Variants in ATAD5 observed in about 807,000 individuals in gnomAD.
ATAD5 encodes the protein ATPase family AAA domain containing 5, also known as ATPase family AAA domain-containing protein 5.
A neutral mutation model predicts 176.9 loss-of-function variants in ATAD5; 58 were observed. That is an observed-to-expected ratio of 0.33 (90% CI 0.27 to 0.41). The LOEUF (loss-of-function observed/expected upper bound fraction) is 0.41, where lower values mean the gene tolerates loss of function less well. Ranked by LOEUF, ATAD5 falls within the 10% of genes least tolerant of loss-of-function variation. ATAD5 has a pLI of 1.00. For missense variants in ATAD5, 1,789 were observed against 2,094.1 expected (o/e 0.85, Z 2.84); for synonymous variants, 640 against 712.6 (o/e 0.90, Z 1.62).
intron 11 of ATAD5, among the ~76,000 whole-genome samples, chr17:30,866,186 T>A (rs1366263557): frequency 6.0e-5 from 2 of 33,600 alleles, no homozygotes; most frequent in African/African-American, 9.2e-4. Flanking sequence ...AATTTACAAA[T>A]TTTTTTTTTT....
intron 17 of ATAD5, among the ~76,000 whole-genome samples, chr17:30,878,548 C>G (rs1027093022): frequency 4.6e-5 from 7 of 151,972 alleles, no homozygotes; most frequent in African/African-American, 1.7e-4. Flanking sequence ...ATTTTAAAAA[C>G]TCATTCAATT....
chr17:30,850,124 G>A (rs1906779037), intron 6 of ATAD5, among the ~76,000 whole-genome samples: 1 of 151,872 alleles, frequency 6.6e-6, no homozygotes, highest in Admixed American at 6.6e-5. Context: ...TTGGGTAACA[G>A]AGCAAGATGC....
At chr17:30,883,375 C>T (rs995690982) in intron 18 of ATAD5, among the ~76,000 whole-genome samples, 5 of 152,054 alleles carry the variant, frequency 3.3e-5, no homozygotes, top group Non-Finnish European at 7.4e-5. Flanking sequence ...AATACTCCTG[C>T]CTCAGCCTCC....
In ATAD5 at chr17:30,835,099, C is replaced by G. The variant is rs759315321; in HGVS notation, c.1018C>G (p.Pro340Ala). The G allele has an allele frequency of 1.9e-6, 3 of 1,614,058 alleles. No homozygotes were observed. The Admixed American group carries it at 5.0e-5, about 27-fold the overall frequency. ...PIPPKKTGKI[P>A]RIFLKQKQFE... ...TCCGCCCAAAAAGACAGGGAAAATA[C>G]CCCGAATTTTCTTGAAACAAAAGCA... is the stretch of plus-strand genomic sequence containing the variant. The change falls in exon 2 of 23, where the codon CCC becomes GCC. Residue 340 changes from proline to alanine, a missense_variant. Pro to Ala is a conservative substitution (Grantham distance 27). Coordinates refer to ENST00000321990, the MANE Select transcript of ATAD5 (RefSeq NM_024857.5).
intron 15 of ATAD5, 112 bp from the exon 16 acceptor site, chr17:30,877,304 C>T (rs1467545657): frequency 1.2e-5 from 9 of 761,234 alleles, no homozygotes; most frequent in African/African-American, 7.3e-5. Context: ...CCACCGCGCC[C>T]GTCCTGTTTC....
intron 7 of ATAD5, among the ~76,000 whole-genome samples, chr17:30,856,669 G>T (rs186413749): frequency 9.9e-5 from 15 of 152,246 alleles, no homozygotes; most frequent in Non-Finnish European, 2.1e-4. Context: ...GAGCCACCAC[G>T]CCTGGCCCTC....
chr17:30,856,045 A>G (rs1186234230), intron 7 of ATAD5, among the ~76,000 whole-genome samples: 1 of 152,134 alleles, frequency 6.6e-6, no homozygotes, highest in Non-Finnish European at 1.5e-5. Flanking sequence ...TAGTATGTTC[A>G]ACTGTAGAAA....
intron 2 of ATAD5, among the ~76,000 whole-genome samples, chr17:30,836,485 A>G (rs1463355380): frequency 1.3e-5 from 2 of 151,870 alleles, no homozygotes; most frequent in Admixed American, 1.3e-4. Flanking sequence ...GCCTGGAAGA[A>G]AAAGAACAGA....
intron 18 of ATAD5, among the ~76,000 whole-genome samples, chr17:30,885,895 C>T (rs1233384033): frequency 6.6e-6 from 1 of 151,928 alleles, no homozygotes; most frequent in East Asian, 1.9e-4. Context: ...GGATTACATG[C>T]GTGAGCCTTG....
chr17:30,837,451 T>C, intron 3 of ATAD5, 137 bp downstream of exon 3: 1 of 608,140 alleles, frequency 1.6e-6, no homozygotes, highest in South Asian at 2.1e-5. Flanking sequence ...ACTACAACCC[T>C]ATGATATTTT....
chr17:30,832,650 TTAAGA>T (rs1485147636), intron 1 of ATAD5, among the ~76,000 whole-genome samples: 1 of 151,112 alleles, frequency 6.6e-6, no homozygotes, highest in African/African-American at 2.4e-5. Context: ...AATTGGGGAC[TTAAGA>T]TAACACGGCC....
intron 19 of ATAD5, 52 bp downstream of exon 19, chr17:30,887,424 A>G: frequency 6.7e-7 from 1 of 1,481,840 alleles, no homozygotes; most frequent in Non-Finnish European, 9.2e-7. Flanking sequence ...CTATTTAAAA[A>G]TCTGTGCTAT....
Position 30,840,733 on chromosome 17 carries a change from C to T in ATAD5, c.2193C>T (p.Ser731=). 1.2e-6 allele frequency: 2 copies of T among 1,608,982 alleles called. No homozygotes were observed. The highest frequency in any genetic ancestry group is 2.7e-5 in the African/African-American group (2 of 74,806). The change falls in exon 4 of 23, where the codon TCC becomes TCT. Residue 731 remains serine, a synonymous_variant. Transcript: ENST00000321990. The stretch of plus-strand genomic sequence containing the variant: ...AAATAGCGATACCCTTAAGGCGCTC[C>T]TCTAGACATCAGACACTTCCTGAAA... ...TEEIAIPLRR[S]SRHQTLPERK...
rs753335227 is a variant in ATAD5 at position 30,892,691 on chromosome 17, G to A, written c.4343G>A (p.Arg1448His). Reference sequence around the variant, plus strand: ...TACCCTAAAAATACTAAAAAGAAACGTGTAGACCTTCCAAAATGTGACAGT... The same window carrying A: ...TACCCTAAAAATACTAAAAAGAAACATGTAGACCTTCCAAAATGTGACAGT... ...KIYPKNTKKK[R>H]VDLPKCDSGC... is the part of the protein sequence containing the mutation. Residue 1448 changes from arginine to histidine, a missense_variant, in exon 20 of 23, where the codon CGT becomes CAT. This residue lies in a region of ATAD5 where 403 missense variants were observed against 495.1 expected (regional missense o/e 0.81). Coordinates refer to ENST00000321990, the MANE Select transcript of ATAD5 (RefSeq NM_024857.5). The A allele has an allele frequency of 1.7e-5, 27 of 1,606,458 alleles. No individual in the cohort carries two copies. The East Asian group carries it at 2.2e-4, about 13-fold the overall frequency.
At chr17:30,888,922 C>T (rs1214313215) in intron 19 of ATAD5, among the ~76,000 whole-genome samples, 1 of 151,788 alleles carries the variant, frequency 6.6e-6, no homozygotes, top group Admixed American at 6.6e-5. Flanking sequence ...AGACATTAGC[C>T]GGGTGTGGCG....
chr17:30,863,540 G>T (rs1339224802), intron 10 of ATAD5, among the ~76,000 whole-genome samples: 1 of 147,198 alleles, frequency 6.8e-6, no homozygotes, highest in South Asian at 2.1e-4. Context: ...CTAATTTTTT[G>T]TATTTTTAGT....
At chr17:30,860,314 G>A in intron 9 of ATAD5, 119 bp from the exon 10 acceptor site, 2 of 1,176,784 alleles carry the variant, frequency 1.7e-6, no homozygotes, top group East Asian at 2.7e-5. Context: ...CTGAGCCACT[G>A]CACCTGGATT....
Position 30,895,867 on chromosome 17 carries a change from A to G in ATAD5, c.*954A>G. The G allele has an allele frequency of 6.6e-6, 1 of 152,194 alleles. No individual in the cohort carries two copies. The highest frequency in any genetic ancestry group is 1.5e-5 in the Non-Finnish European group (1 of 68,040). 9.4% of individuals were successfully genotyped at this position (152,194 alleles called of 1,614,324 possible). ...CTAAAGGCTTTATGAAATGTTTAAAAAAGAGTTCAGATGTAATCATCTTGA... is the reference window on the plus strand; with the variant it reads ...CTAAAGGCTTTATGAAATGTTTAAAGAAGAGTTCAGATGTAATCATCTTGA... On this transcript the variant is annotated 3_prime_UTR_variant, in exon 23 of 23. Coordinates refer to ENST00000321990, the MANE Select transcript of ATAD5 (RefSeq NM_024857.5).
chr17:30,877,579 A>T, intron 16 of ATAD5, 30 bp downstream of exon 16: 1 of 1,576,838 alleles, frequency 6.3e-7, no homozygotes, highest in Non-Finnish European at 8.6e-7. Flanking sequence ...CATTTGTGAG[A>T]GCTCATGATA....
Sources: allele counts gnomAD v4.1 joint callset (sites outside exome capture counted in the v4.1 genomes callset), GRCh38; gene constraint gnomAD v4.1.1; regional missense constraint gnomAD v4.1.1; transcripts MANE v1.5; gene names NCBI Gene and HGNC (gene_info 2026-07-23, HGNC 2026-07-21).